The following ACTL8 variants were observed in gnomAD, a reference collection of about 807,000 sequenced individuals.
The protein encoded by ACTL8 is actin-like protein 8.
In ACTL8, 3 loss-of-function variants were observed where a neutral mutation model predicts 9.3. The ratio of observed to expected loss-of-function variants is 0.32; its 90% CI spans 0.15 to 0.83. The LOEUF is 0.83. ACTL8 is among the 40% of genes least tolerant of loss of function. ACTL8 has a pLI of 0.57. For missense variants in ACTL8, 381 were observed against 492.2 expected, an observed-to-expected ratio of 0.77 and a Z score of 2.14; for synonymous variants, 224 against 205.9, an observed-to-expected ratio of 1.09 and a Z score of -0.75.
chr1:17,765,453 G>A (rs549548338), intron 1 of ACTL8, among the ~76,000 whole-genome samples: 4 of 152,164 alleles, frequency 2.6e-5, no homozygotes, highest in South Asian at 4.2e-4. Flanking sequence ...TCAGACACTC[G>A]CAATAACCAT....
chr1:17,818,511 C>A (rs1252840438), intron 1 of ACTL8, among the ~76,000 whole-genome samples: 2 of 152,234 alleles, frequency 1.3e-5, no homozygotes, highest in East Asian at 3.9e-4. Context: ...TCTCCAGTAT[C>A]CTCCCTCCAC....
chr1:17,788,847 C>T (rs2066217915), intron 1 of ACTL8, among the ~76,000 whole-genome samples: 1 of 152,192 alleles, frequency 6.6e-6, no homozygotes, highest in South Asian at 2.1e-4. Context: ...GACACTTTGC[C>T]TCCTTTTTAG....
At position 17,791,467 on chromosome 1, in the gene ACTL8, G is replaced by A. The variant is rs79918430; in HGVS notation, c.-24-31518G>A. 2.9e-3 allele frequency among the ~76,000 whole-genome samples: 446 copies of A among 152,360 alleles called. 6 individuals carry two copies. Among genetic ancestry groups the A allele is most frequent in the Non-Finnish European group, 3.7e-3 (252 of 68,040 alleles). On this transcript the variant is annotated intron_variant, in intron 1 of 2. Transcript: ENST00000375406. ...AGATCCGGGATTTGAACACAGGTCT[G>A]TGTGAATCCTAGGCACATTCTCTTG...
At chr1:17,785,673 G>A (rs755944652) in intron 1 of ACTL8, among the ~76,000 whole-genome samples, 15 of 152,038 alleles carry the variant, frequency 9.9e-5, no homozygotes, top group Non-Finnish European at 1.9e-4. Flanking sequence ...GTTTATATCT[G>A]CTATTCTTCA....
chr1:17,814,661 A>G (rs1430827801), intron 1 of ACTL8, among the ~76,000 whole-genome samples: 5 of 152,110 alleles, frequency 3.3e-5, no homozygotes, highest in Non-Finnish European at 1.5e-5. Flanking sequence ...GACAATACAT[A>G]CCATTATGTT....
chr1:17,770,761 G>C (rs1488621812), intron 1 of ACTL8, among the ~76,000 whole-genome samples: 1 of 152,168 alleles, frequency 6.6e-6, no homozygotes, highest in Non-Finnish European at 1.5e-5. Context: ...TTCTCGCCAT[G>C]CACAGTGAAA....
At chr1:17,805,504 C>T (rs959080468) in intron 1 of ACTL8, among the ~76,000 whole-genome samples, 6 of 150,610 alleles carry the variant, frequency 4.0e-5, no homozygotes, top group African/African-American at 1.5e-4. Flanking sequence ...GCCTCAGCCT[C>T]CCAAGTAGCT....
intron 1 of ACTL8, among the ~76,000 whole-genome samples, chr1:17,800,977 A>C (rs1448123793): frequency 6.6e-6 from 1 of 152,182 alleles, no homozygotes; most frequent in African/African-American, 2.4e-5. Flanking sequence ...TGTTGTGTTC[A>C]TCCAGTCAAG....
intron 1 of ACTL8, among the ~76,000 whole-genome samples, chr1:17,819,441 C>T (rs1022933574): frequency 2.6e-5 from 4 of 152,170 alleles, no homozygotes; most frequent in Admixed American, 6.5e-5. Context: ...GCCCTGCAGC[C>T]GGTGACAGCA....
At chr1:17,812,935 C>T (rs2066402935) in intron 1 of ACTL8, among the ~76,000 whole-genome samples, 1 of 152,090 alleles carries the variant, frequency 6.6e-6, no homozygotes, top group African/African-American at 2.4e-5. Flanking sequence ...TAAAGAAACA[C>T]TTTTCAGCGA....
chr1:17,797,019 G>A (rs2066282298), intron 1 of ACTL8, among the ~76,000 whole-genome samples: 1 of 152,102 alleles, frequency 6.6e-6, no homozygotes, highest in African/African-American at 2.4e-5. Context: ...CCCTAGGGGT[G>A]GTATCCACAC....
rs12566337 is a variant in ACTL8 at position 17,759,280 on chromosome 1, G to A, written c.-25+3776G>A. Reference sequence around the variant, plus strand: ...CTGGGCTTTGCCAGTAGAGGGCGCCGAGGAGCCTCTGCAGCAGGGACCTTC... The same window carrying A: ...CTGGGCTTTGCCAGTAGAGGGCGCCAAGGAGCCTCTGCAGCAGGGACCTTC... On this transcript the variant is annotated intron_variant, in intron 1 of 2. Transcript: ENST00000375406. Among the ~76,000 whole-genome samples the A allele has an allele frequency of 2.7e-3, 412 of 152,344 alleles. 9 individuals carry two copies. In the East Asian group the frequency reaches 0.051, roughly 19 times the overall value.
At chr1:17,791,228 C>T (rs1256095529) in intron 1 of ACTL8, among the ~76,000 whole-genome samples, 4 of 152,138 alleles carry the variant, frequency 2.6e-5, no homozygotes, top group Non-Finnish European at 4.4e-5. Context: ...TCCTGCTTGT[C>T]CCCAGCTCCC....
At chr1:17,798,548 C>G (rs2066295219) in intron 1 of ACTL8, among the ~76,000 whole-genome samples, 1 of 152,160 alleles carries the variant, frequency 6.6e-6, no homozygotes, top group Admixed American at 6.5e-5. Context: ...AGAGAGTTTT[C>G]TTGGGAGTTC....
At chr1:17,772,724 C>T (rs1002535684) in intron 1 of ACTL8, among the ~76,000 whole-genome samples, 1 of 152,116 alleles carries the variant, frequency 6.6e-6, no homozygotes, top group African/African-American at 2.4e-5. Context: ...CTCCCAGCTC[C>T]CTGGAGCCTC....
At chr1:17,800,459 GTC>G (rs1015756862) in intron 1 of ACTL8, among the ~76,000 whole-genome samples, 1 of 151,974 alleles carries the variant, frequency 6.6e-6, no homozygotes, top group Non-Finnish European at 1.5e-5. Flanking sequence ...AACAATGGTG[GTC>G]TCTCTGTCTC....
In ACTL8 at chr1:17,823,452, T is replaced by C; in HGVS notation, c.348+96T>C. ...GCACCAGGAATTCTGCTTTTTAAGA[T>C]AAATTGCCAACCAGGTGTGGTGGCT... On this transcript the variant is annotated intron_variant, in intron 2 of 2. Transcript: ENST00000375406. The surrounding 1 kb of genome is among the most constrained non-coding windows in gnomAD (Gnocchi z 5.3). The C allele has an allele frequency of 1.6e-6, 2 of 1,244,616 alleles. No individual in the cohort carries two copies. Among genetic ancestry groups the C allele is most frequent in the African/African-American group, 3.0e-5 (2 of 66,194 alleles). 77.1% of individuals were successfully genotyped at this position (1,244,616 alleles called of 1,614,324 possible). A position where few individuals can be genotyped will look rare whatever the true frequency, so the allele number is the denominator to read the frequency against.
intron 1 of ACTL8, among the ~76,000 whole-genome samples, chr1:17,760,958 A>T (rs1462463249): frequency 6.6e-6 from 1 of 152,104 alleles, no homozygotes; most frequent in Non-Finnish European, 1.5e-5. Context: ...GCCTCTAATT[A>T]TGTGCGGCAG....
intron 1 of ACTL8, among the ~76,000 whole-genome samples, chr1:17,794,299 TACTTA>T (rs2066262229): frequency 6.6e-6 from 1 of 151,810 alleles, no homozygotes; most frequent in African/African-American, 2.4e-5. Context: ...TGGACATAGT[TACTTA>T]ACTTCCTTTT....
Sources: gnomAD v4.1 joint callset for allele counts (sites outside exome capture counted in the v4.1 genomes callset) on GRCh38, gnomAD v4.1.1 for gene constraint, Gnocchi (gnomAD v3.1) non-coding constraint, MANE v1.5 for transcripts, NCBI Gene and HGNC (gene_info 2026-07-23, HGNC 2026-07-21) for gene names.